Variants in EDARADD observed in about 807,000 individuals in gnomAD.
The protein encoded by EDARADD is EDAR associated via death domain.
A neutral mutation model predicts 25.6 loss-of-function variants in EDARADD; 20 were observed. The observed-to-expected ratio is 0.78, with a 90% CI of 0.55 to 1.14. The LOEUF is 1.14. Ranked by LOEUF, EDARADD falls within the 50% of genes most tolerant of loss-of-function variation. The pLI is 0.00. For missense variants in EDARADD, 225 were observed against 270.1 expected (o/e 0.83, Z 1.17); for synonymous variants, 86 against 94.4 (o/e 0.91, Z 0.52).
chr1:236,410,565 G>A (rs1657439382), intron 2 of EDARADD, among the ~76,000 whole-genome samples: 2 of 152,028 alleles, frequency 1.3e-5, no homozygotes, highest in South Asian at 2.1e-4. Flanking sequence ...CACCTAGACC[G>A]GAGCCCTGTG....
intron 3 of EDARADD, among the ~76,000 whole-genome samples, chr1:236,382,580 T>C (rs572600748): frequency 6.6e-6 from 1 of 152,334 alleles, no homozygotes; most frequent in South Asian, 2.1e-4. Context: ...TTTGTATTCC[T>C]ATACCTCCTC....
chr1:236,361,635 T>A (rs868199859), intron 3 of EDARADD, among the ~76,000 whole-genome samples: 2 of 134,166 alleles, frequency 1.5e-5, no homozygotes, highest in Non-Finnish European at 3.1e-5. Context: ...CAGCCAAATT[T>A]TATATATATA....
intron 4 of EDARADD, among the ~76,000 whole-genome samples, chr1:236,452,195 G>A (rs1009591501): frequency 2.0e-5 from 3 of 152,158 alleles, no homozygotes; most frequent in Non-Finnish European, 4.4e-5. Flanking sequence ...TGATCTTGAC[G>A]CCCTCATCAC....
At chr1:236,376,774 T>A (rs1488339851) in intron 3 of EDARADD, among the ~76,000 whole-genome samples, 1 of 152,198 alleles carries the variant, frequency 6.6e-6, no homozygotes, top group African/African-American at 2.4e-5. Flanking sequence ...CCTTCCTGTC[T>A]TTTCCTTCTG....
At chr1:236,363,003 AAAAATAT>A (rs1424140734) in intron 3 of EDARADD, among the ~76,000 whole-genome samples, 43 of 92,218 alleles carry the variant, frequency 4.7e-4, no homozygotes, top group Middle Eastern at 5.1e-3. Flanking sequence ...AAAAAAAAAA[AAAAATAT>A]ATATATATAT....
At chr1:236,480,221 A>G (rs1659635062) in intron 5 of EDARADD, among the ~76,000 whole-genome samples, 1 of 149,854 alleles carries the variant, frequency 6.7e-6, no homozygotes, top group Admixed American at 6.7e-5. Context: ...TCTTTCACAT[A>G]ACATCACAAA....
At chr1:236,470,169 C>T (rs539609601) in intron 5 of EDARADD, among the ~76,000 whole-genome samples, 2 of 152,258 alleles carry the variant, frequency 1.3e-5, no homozygotes, top group South Asian at 2.1e-4. Flanking sequence ...ACTGCCCCTC[C>T]GCATTTAATC....
intron 4 of EDARADD, among the ~76,000 whole-genome samples, chr1:236,449,466 C>G (rs1367562454): frequency 6.6e-6 from 1 of 152,224 alleles, no homozygotes; most frequent in Non-Finnish European, 1.5e-5. Flanking sequence ...TCTTAGCATC[C>G]AGGGTATTGT....
At chr1:236,361,191 T>G (rs1341518945) in intron 3 of EDARADD, among the ~76,000 whole-genome samples, 3 of 152,208 alleles carry the variant, frequency 2.0e-5, no homozygotes, top group Non-Finnish European at 4.4e-5. Context: ...GTCTATCATC[T>G]CCAATGGTTT....
intron 2 of EDARADD, among the ~76,000 whole-genome samples, chr1:236,410,856 C>T (rs1657447455): frequency 6.6e-6 from 1 of 152,172 alleles, no homozygotes; most frequent in Non-Finnish European, 1.5e-5. Context: ...AAATTGTAGA[C>T]AGCGTAGGGG....
At chr1:236,435,707 T>C (rs1245765223) in intron 4 of EDARADD, among the ~76,000 whole-genome samples, 1 of 152,236 alleles carries the variant, frequency 6.6e-6, no homozygotes, top group Non-Finnish European at 1.5e-5. Context: ...CAGAAAAGGC[T>C]TCCTTTCTAC....
intron 3 of EDARADD, among the ~76,000 whole-genome samples, chr1:236,378,529 A>C (rs372605935): frequency 6.6e-6 from 1 of 152,182 alleles, no homozygotes; most frequent in Non-Finnish European, 1.5e-5. Context: ...AATTTGCCCT[A>C]TGACCTTACT....
chr1:236,393,159 T>C (rs1283689857), upstream of EDARADD, among the ~76,000 whole-genome samples: 2 of 152,158 alleles, frequency 1.3e-5, no homozygotes, highest in African/African-American at 4.8e-5. Flanking sequence ...TTTTGGTTTC[T>C]TACTTAATGT....
At chr1:236,396,174 G>C (rs1257074396) in intron 1 of EDARADD, among the ~76,000 whole-genome samples, 6 of 152,150 alleles carry the variant, frequency 3.9e-5, no homozygotes, top group African/African-American at 9.7e-5. Context: ...GCAGAATCGA[G>C]AGGCGGATCC....
At chr1:236,392,990 G>A (rs865844413), upstream of EDARADD, among the ~76,000 whole-genome samples, 1 of 152,150 alleles carries the variant, frequency 6.6e-6, no homozygotes, top group African/African-American at 2.4e-5. Flanking sequence ...TCAAAATGTT[G>A]CATAGGCTGG....
At chr1:236,456,602 G>T (rs569362282) in intron 4 of EDARADD, among the ~76,000 whole-genome samples, 1 of 151,908 alleles carries the variant, frequency 6.6e-6, no homozygotes, top group Admixed American at 6.6e-5. Flanking sequence ...TTCCTCCTGC[G>T]TGTGCCTCTG....
upstream of EDARADD, among the ~76,000 whole-genome samples, chr1:236,393,974 T>C (rs977339357): frequency 1.4e-5 from 2 of 147,450 alleles, no homozygotes; most frequent in African/African-American, 5.0e-5. Context: ...AAGGGAGTAA[T>C]AACTACGTAA....
Position 236,388,018 on chromosome 1 carries a change from A to AAT in EDARADD, c.-5-21197_-5-21196insTA, listed in dbSNP as rs1553264171. 9.1e-4 allele frequency among the ~76,000 whole-genome samples: 13 copies of AAT among 14,272 alleles called. 6 individuals are homozygous for AAT. The highest frequency in any genetic ancestry group is 2.0e-3 in the African/African-American group (11 of 5,580). 9.4% of individuals were successfully genotyped at this position (14,272 alleles called of 152,430 possible). On this transcript the variant is annotated intron_variant, in intron 3 of 7. Transcript: ENST00000439430. Reference sequence around the variant, plus strand: ...CAATAAAAAAATAAATTAAAAAAAAAAATAATAATAATAATAATTTGAAAG... The same window carrying AAT: ...CAATAAAAAAATAAATTAAAAAAAAAATAATAATAATAATAATAATTTGAAAG...
chr1:236,357,726 A>G (rs1185302013), intron 3 of EDARADD, among the ~76,000 whole-genome samples: 1 of 152,006 alleles, frequency 6.6e-6, no homozygotes, highest in East Asian at 1.9e-4. Context: ...TGAGAATAGC[A>G]CCGAGACGTG....
Sources: gnomAD v4.1 joint callset for allele counts (sites outside exome capture counted in the v4.1 genomes callset) on GRCh38, gnomAD v4.1.1 for gene constraint, MANE v1.5 for transcripts, NCBI Gene and HGNC (gene_info 2026-07-23, HGNC 2026-07-21) for gene names.